TRPC3: variants seen among roughly 807,000 people sequenced by gnomAD.
The protein encoded by TRPC3 is short transient receptor potential channel 3.
TRPC3 carries 54 observed loss-of-function variants against 90.9 expected under a neutral mutation model. The ratio of observed to expected loss-of-function variants is 0.59; its 90% CI spans 0.48 to 0.75. The LOEUF is 0.75. Ranked by LOEUF, TRPC3 falls within the 30% of genes least tolerant of loss-of-function variation. TRPC3 has a pLI of 0.00. For synonymous variants in TRPC3, 424 were observed against 450.9 expected (o/e 0.94, Z 0.75); for missense variants, 918 against 1,194.5 (o/e 0.77, Z 3.41).
At chr4:121,937,936 T>G (rs1411618097) in intron 1 of TRPC3, among the ~76,000 whole-genome samples, 1 of 152,024 alleles carries the variant, frequency 6.6e-6, no homozygotes, top group Non-Finnish European at 1.5e-5. Context: ...AGAGTCTTAC[T>G]CTGTCACCCA....
chr4:121,927,811 T>A (rs1050704067), intron 2 of TRPC3, among the ~76,000 whole-genome samples: 3 of 152,232 alleles, frequency 2.0e-5, no homozygotes, highest in Non-Finnish European at 4.4e-5. Flanking sequence ...CCATTCAAGT[T>A]GGTACCATGC....
chr4:121,928,433 G>A (rs571020477), intron 2 of TRPC3, among the ~76,000 whole-genome samples: 91 of 152,296 alleles, frequency 6.0e-4, no homozygotes, highest in Non-Finnish European at 1.0e-3. Flanking sequence ...TGGGAAAGAT[G>A]GAGAACTCCA....
intron 1 of TRPC3, among the ~76,000 whole-genome samples, chr4:121,936,739 A>T (rs1730142300): frequency 6.6e-6 from 1 of 152,158 alleles, no homozygotes; most frequent in Admixed American, 6.5e-5. Context: ...GTAAGGAAAC[A>T]TTGAGAAGGT....
chr4:121,906,995 C>A (rs996141317), intron 7 of TRPC3, among the ~76,000 whole-genome samples: 11 of 152,048 alleles, frequency 7.2e-5, no homozygotes, highest in Non-Finnish European at 1.3e-4. Flanking sequence ...AATGATGAAA[C>A]TAATTTTAAT....
At chr4:121,929,316 A>G (rs1729816455) in intron 2 of TRPC3, among the ~76,000 whole-genome samples, 1 of 151,976 alleles carries the variant, frequency 6.6e-6, no homozygotes, top group South Asian at 2.1e-4. Flanking sequence ...CTGTAGTGTG[A>G]TATAAGGTGA....
intron 2 of TRPC3, chr4:121,930,844 A>G: frequency 2.5e-6 from 1 of 402,006 alleles, no homozygotes; most frequent in South Asian, 1.8e-5. Context: ...AAAAAAAAAA[A>G]AAAAAAAAAC....
chr4:121,929,153 C>G (rs1729811619), intron 2 of TRPC3, among the ~76,000 whole-genome samples: 1 of 152,198 alleles, frequency 6.6e-6, no homozygotes, highest in Non-Finnish European at 1.5e-5. Flanking sequence ...ACGACTGGGA[C>G]TCAAGACACT....
chr4:121,945,544 C>A (rs1730453577), intron 1 of TRPC3, among the ~76,000 whole-genome samples: 4 of 152,132 alleles, frequency 2.6e-5, no homozygotes, highest in Admixed American at 2.6e-4. Flanking sequence ...ATCCACCCAG[C>A]TCAATGCTAG....
chr4:121,923,977 C>A (rs111816111), intron 3 of TRPC3, among the ~76,000 whole-genome samples: 10 of 152,100 alleles, frequency 6.6e-5, no homozygotes, highest in African/African-American at 2.4e-4. Context: ...TATTGTGAAA[C>A]ATAACTACAA....
chr4:121,913,011 C>T (rs1339583790), intron 4 of TRPC3, among the ~76,000 whole-genome samples: 3 of 152,218 alleles, frequency 2.0e-5, no homozygotes, highest in African/African-American at 7.2e-5. Flanking sequence ...CTGAGGTTCA[C>T]ATTTAAGGGA....
intron 10 of TRPC3, among the ~76,000 whole-genome samples, chr4:121,889,616 A>C (rs1605548): frequency 0.27 from 41,119 of 152,056 alleles, 5,857 homozygotes; most frequent in Non-Finnish European, 0.31. Flanking sequence ...CTCATATACT[A>C]TTGATAGGAA....
At position 121,928,762 on chromosome 4, in the gene TRPC3, C is replaced by A. The variant is rs535831489; in HGVS notation, c.987+3509G>T. On this transcript the variant is annotated intron_variant, in intron 2 of 11. Coordinates refer to ENST00000379645, the MANE Select transcript of TRPC3 (RefSeq NM_001130698.2). ...GAACAATGAAGTTCAGTCTTCATCA[C>A]AATCTATCTACAGGTTCTGCACACT... is the stretch of plus-strand genomic sequence containing the variant. Among the ~76,000 whole-genome samples the A allele has an allele frequency of 1.4e-3, 209 of 152,324 alleles. 2 individuals are homozygous for A. The highest frequency in any genetic ancestry group is 6.5e-4 in the Non-Finnish European group (44 of 68,028).
chr4:121,904,587 A>C, intron 7 of TRPC3, 70 bp from the exon 8 acceptor site: 1 of 1,252,774 alleles, frequency 8.0e-7, no homozygotes, highest in Non-Finnish European at 1.1e-6. Context: ...AAAGTAAAAA[A>C]CAAGTTAGGG....
chr4:121,947,421 C>A lies in TRPC3; in HGVS notation c.215+4045G>T, dbSNP rs549077700. 2.6e-5 allele frequency among the ~76,000 whole-genome samples: 4 copies of A among 152,176 alleles called. No individual in the cohort carries two copies. In the South Asian group the frequency reaches 8.3e-4, roughly 32 times the overall value. On this transcript the variant is annotated intron_variant, in intron 1 of 11. Coordinates refer to ENST00000379645, the MANE Select transcript of TRPC3 (RefSeq NM_001130698.2). ...TCCTGCTTCCAGTCTAATGCCTGAG[C>A]CAACACACACGCTAAGCCAAGACTG... is the stretch of plus-strand genomic sequence containing the variant.
chr4:121,888,562 G>GTTT (rs34467429), intron 10 of TRPC3, among the ~76,000 whole-genome samples: 4 of 143,706 alleles, frequency 2.8e-5, no homozygotes, highest in African/African-American at 2.6e-5. Flanking sequence ...ACCAAGTTCT[G>GTTT]TTTTTTTTTT....
chr4:121,943,179 A>G (rs375007305), intron 1 of TRPC3, among the ~76,000 whole-genome samples: 27 of 111,286 alleles, frequency 2.4e-4, no homozygotes, highest in African/African-American at 6.6e-4. Flanking sequence ...TAAGGAACAG[A>G]TAATTTTCCC....
intron 1 of TRPC3, among the ~76,000 whole-genome samples, chr4:121,944,887 C>T (rs886820515): frequency 6.6e-5 from 10 of 152,180 alleles, no homozygotes; most frequent in Non-Finnish European, 1.2e-4. Flanking sequence ...AAATGCTTAA[C>T]CACAGGAGGC....
chr4:121,908,165 TAACAACCCTTTC>T (rs1030920614), intron 6 of TRPC3, among the ~76,000 whole-genome samples: 1 of 152,154 alleles, frequency 6.6e-6, no homozygotes, highest in African/African-American at 2.4e-5. Flanking sequence ...TGAGGACCCC[TAACAACCCTTTC>T]AAGGTCACTT....
In TRPC3 at chr4:121,878,451, G is replaced by GAA. The variant is rs112773605; in HGVS notation, c.*1284_*1285insTT. Reference sequence around the variant, plus strand: ...CTATACGACTTGACAGCAACTGACTGCAGACTCAGGATGTTAAACATAACT... The same window carrying GAA: ...CTATACGACTTGACAGCAACTGACTGAACAGACTCAGGATGTTAAACATAACT... On this transcript the variant is annotated 3_prime_UTR_variant, in exon 12 of 12. Coordinates refer to ENST00000379645, the MANE Select transcript of TRPC3 (RefSeq NM_001130698.2). Among the ~76,000 whole-genome samples, 118,558 of 151,438 alleles carry GAA rather than the reference G, an allele frequency of 0.78. 46,714 individuals carry two copies. Among genetic ancestry groups the GAA allele is most frequent in the African/African-American group, 0.87 (36,111 of 41,356 alleles).
Sources: allele counts gnomAD v4.1 joint callset (sites outside exome capture counted in the v4.1 genomes callset), GRCh38; gene constraint gnomAD v4.1.1; transcripts MANE v1.5; gene names NCBI Gene and HGNC (gene_info 2026-07-23, HGNC 2026-07-21).